PDZRN4: variants seen among roughly 807,000 people sequenced by gnomAD.
PDZRN4 encodes the protein PDZ domain containing ring finger 4, also known as PDZ domain-containing RING finger protein 4.
In PDZRN4, 70 loss-of-function variants were observed where a neutral mutation model predicts 99.0. That is an observed-to-expected ratio of 0.71 (90% CI 0.58 to 0.86). The LOEUF (loss-of-function observed/expected upper bound fraction) is 0.86. Among genes scored for constraint, PDZRN4 ranks in the 40% least tolerant of loss-of-function variants. The probability of loss-of-function intolerance (pLI) is 0.00; values close to 1 mark genes in which losing one functional copy is unlikely to be tolerated. For synonymous variants in PDZRN4, 551 were observed against 501.6 expected (o/e 1.10, Z -1.32); for missense variants, 1,474 against 1,331.2 (o/e 1.11, Z -1.67).
At chr12:41,526,534 C>A (rs1269559772) in intron 5 of PDZRN4, among the ~76,000 whole-genome samples, 1 of 152,148 alleles carries the variant, frequency 6.6e-6, no homozygotes, top group African/African-American at 2.4e-5. Context: ...GAATGTGGAG[C>A]ATAAGGAAAG....
intron 5 of PDZRN4, among the ~76,000 whole-genome samples, chr12:41,529,705 T>C (rs897445597): frequency 2.6e-5 from 4 of 152,228 alleles, no homozygotes; most frequent in Non-Finnish European, 5.9e-5. Context: ...ACTCTTCCTA[T>C]GTTTTTGTGG....
At chr12:41,457,576 G>A (rs899311872) in intron 3 of PDZRN4, among the ~76,000 whole-genome samples, 7 of 151,986 alleles carry the variant, frequency 4.6e-5, no homozygotes, top group African/African-American at 1.7e-4. Flanking sequence ...ATAAAATGAG[G>A]GATTATTGTG....
intron 3 of PDZRN4, among the ~76,000 whole-genome samples, chr12:41,413,808 TTACATTCAAGGTTAA>T (rs1952419068): frequency 6.6e-6 from 1 of 152,152 alleles, no homozygotes; most frequent in African/African-American, 2.4e-5. Flanking sequence ...TTAAGACCGT[TTACATTCAAGGTTAA>T]TATTGATATA....
At chr12:41,384,995 C>T (rs1041390335) in intron 3 of PDZRN4, among the ~76,000 whole-genome samples, 2 of 152,176 alleles carry the variant, frequency 1.3e-5, no homozygotes, top group Non-Finnish European at 2.9e-5. Context: ...ATGAATCCTA[C>T]ATTCTCAATT....
intron 5 of PDZRN4, among the ~76,000 whole-genome samples, chr12:41,512,972 T>A (rs1938333625): frequency 6.6e-6 from 1 of 152,126 alleles, no homozygotes. Context: ...GTATATAGAC[T>A]GCATTTCTGA....
intron 3 of PDZRN4, among the ~76,000 whole-genome samples, chr12:41,434,453 T>G (rs1329573685): frequency 1.3e-5 from 2 of 152,326 alleles, no homozygotes; most frequent in Middle Eastern, 3.4e-3. Context: ...AATTAAGGAC[T>G]GCTGGCATGA....
chr12:41,573,490 G>T lies in PDZRN4; in HGVS notation c.2711G>T (p.Arg904Ile). ...GACGGGACACGGTACATCACAAAGA[G>T]ACCCGTGCGAGACCGAATCCTGAAG... ...RSDGTRYITK[R>I]PVRDRILKER... Residue 904 changes from arginine (R) to isoleucine (I), a missense_variant, in exon 10 of 10, where the codon AGA becomes ATA. Arg to Ile is a moderately conservative substitution (Grantham distance 97). Coordinates refer to ENST00000402685, the MANE Select transcript of PDZRN4 (RefSeq NM_001164595.2). The T allele has an allele frequency of 6.2e-7, 1 of 1,613,990 alleles. No homozygotes were observed. Among genetic ancestry groups the T allele is most frequent in the Non-Finnish European group, 8.5e-7 (1 of 1,179,992 alleles).
At chr12:41,563,134 T>C (rs901638513) in intron 7 of PDZRN4, among the ~76,000 whole-genome samples, 4 of 152,160 alleles carry the variant, frequency 2.6e-5, no homozygotes, top group African/African-American at 7.2e-5. Context: ...AGCTCTCTAA[T>C]TGGCTCGCGG....
intron 5 of PDZRN4, among the ~76,000 whole-genome samples, chr12:41,535,539 G>A (rs35032376): frequency 0.13 from 19,477 of 152,102 alleles, 1,343 homozygotes; most frequent in South Asian, 0.22. Flanking sequence ...ATGTATAATA[G>A]GCAACTGTTA....
chr12:41,495,172 A>C (rs1937972757), intron 3 of PDZRN4, among the ~76,000 whole-genome samples: 1 of 151,988 alleles, frequency 6.6e-6, no homozygotes, highest in African/African-American at 2.4e-5. Context: ...AGAAACAGAG[A>C]GAGAGATTGA....
At chr12:41,406,443 G>A (rs574205497) in intron 3 of PDZRN4, among the ~76,000 whole-genome samples, 1 of 152,244 alleles carries the variant, frequency 6.6e-6, no homozygotes, top group African/African-American at 2.4e-5. Context: ...TCAATTTGTT[G>A]TTCTGATGTG....
chr12:41,334,265 A>T (rs1951758498), intron 3 of PDZRN4, among the ~76,000 whole-genome samples: 2 of 151,770 alleles, frequency 1.3e-5, no homozygotes, highest in Admixed American at 1.3e-4. Flanking sequence ...TTATTCTCAG[A>T]TCTTTTTGGT....
intron 3 of PDZRN4, among the ~76,000 whole-genome samples, chr12:41,480,944 A>C (rs569295466): frequency 1.4e-4 from 21 of 152,030 alleles, no homozygotes; most frequent in Non-Finnish European, 2.8e-4. Context: ...ATTAAGTATA[A>C]AAGCCAAAAC....
intron 3 of PDZRN4, among the ~76,000 whole-genome samples, chr12:41,239,786 AC>A (rs1308807634): frequency 2.6e-5 from 4 of 152,238 alleles, no homozygotes; most frequent in African/African-American, 9.6e-5. Context: ...CGGAGATGCT[AC>A]AGGAGTAAAC....
At position 41,356,997 on chromosome 12, in the gene PDZRN4, C is replaced by G. The variant is rs370019222; in HGVS notation, c.844-149459C>G. Among the ~76,000 whole-genome samples the G allele has an allele frequency of 5.3e-4, 81 of 152,048 alleles. No homozygotes were observed. In the South Asian group the frequency reaches 0.011, roughly 21 times the overall value. Reference sequence around the variant, plus strand: ...GGGTTAGAACTCATAAACTCTCAAGCTGTTTTCAGAGGAGAATTATTTGGA... The same window carrying G: ...GGGTTAGAACTCATAAACTCTCAAGGTGTTTTCAGAGGAGAATTATTTGGA... On this transcript the variant is annotated intron_variant, in intron 3 of 9. Transcript: ENST00000402685.
chr12:41,211,273 A>G (rs1172439329), intron 3 of PDZRN4, among the ~76,000 whole-genome samples: 1 of 152,030 alleles, frequency 6.6e-6, no homozygotes. Flanking sequence ...CTAGATTGGT[A>G]TTTTAATTTT....
At chr12:41,460,049 T>C (rs1449693566) in intron 3 of PDZRN4, 19 of 1,285,684 alleles carry the variant, frequency 1.5e-5, no homozygotes, top group Non-Finnish European at 1.9e-5. Flanking sequence ...TTCTGCTTCA[T>C]TAAGCTCCTT....
intron 3 of PDZRN4, chr12:41,459,860 A>G (rs1952853381): frequency 9.6e-7 from 1 of 1,039,826 alleles, no homozygotes; most frequent in Non-Finnish European, 1.2e-6. Flanking sequence ...ATACCCATTA[A>G]ATTAACATTA....
chr12:41,453,929 T>C (rs939959609), intron 3 of PDZRN4, among the ~76,000 whole-genome samples: 34 of 43,468 alleles, frequency 7.8e-4, no homozygotes, highest in Admixed American at 7.7e-4. Flanking sequence ...CCTTCTGAAA[T>C]GTTTGATCTT....
Sources: gnomAD v4.1 joint callset for allele counts (sites outside exome capture counted in the v4.1 genomes callset) on GRCh38, gnomAD v4.1.1 for gene constraint, MANE v1.5 for transcripts, NCBI Gene and HGNC (gene_info 2026-07-23, HGNC 2026-07-21) for gene names.